NHEJ1: variants seen among roughly 807,000 people sequenced by gnomAD.
NHEJ1 encodes the protein non-homologous end-joining factor 1.
In NHEJ1, 22 loss-of-function variants were observed where a neutral mutation model predicts 39.4. The observed-to-expected ratio is 0.56, with a 90% confidence interval of 0.40 to 0.80. NHEJ1 has a LOEUF of 0.80. Among genes scored for constraint, NHEJ1 ranks in the 30% least tolerant of loss-of-function variants. The probability of loss-of-function intolerance (pLI) is 0.00; values close to 1 mark genes in which losing one functional copy is unlikely to be tolerated. For synonymous variants in NHEJ1, 154 were observed against 135.6 expected (o/e 1.14, Z -0.94); for missense variants, 329 against 357.1 (o/e 0.92, Z 0.63).
At chr2:219,101,764 C>T (rs1385648501) in intron 5 of NHEJ1, among the ~76,000 whole-genome samples, 1 of 141,798 alleles carries the variant, frequency 7.1e-6, no homozygotes, top group Non-Finnish European at 1.5e-5. Context: ...TGTCGCCAGG[C>T]TGGCAGGCTG....
At chr2:219,152,704 C>T (rs61531734) in intron 3 of NHEJ1, among the ~76,000 whole-genome samples, 2,429 of 152,026 alleles carry the variant, frequency 0.016, 69 homozygotes, top group African/African-American at 0.055. Context: ...TGGTCTCAAG[C>T]AATCCTCCTG....
chr2:219,083,745 T>C (rs1432223609), intron 5 of NHEJ1, among the ~76,000 whole-genome samples: 1 of 152,230 alleles, frequency 6.6e-6, no homozygotes, highest in East Asian at 1.9e-4. Flanking sequence ...TCCTTCCCTT[T>C]GCAAGGCACA....
intron 5 of NHEJ1, among the ~76,000 whole-genome samples, chr2:219,113,588 C>T (rs1949385018): frequency 6.6e-6 from 1 of 152,126 alleles, no homozygotes; most frequent in Non-Finnish European, 1.5e-5. Context: ...CCAAGTTTAG[C>T]CACTCAGAGC....
At chr2:219,135,791 T>C (rs1574733866) in intron 5 of NHEJ1, among the ~76,000 whole-genome samples, 1 of 152,214 alleles carries the variant, frequency 6.6e-6, no homozygotes, top group Admixed American at 6.5e-5. Flanking sequence ...AGCCCTCGGC[T>C]ACATAGTGAG....
rs761203817 is a variant in NHEJ1 at position 219,072,290 on chromosome 2, G to A, written c.*4091C>T. Among the ~76,000 whole-genome samples the A allele has an allele frequency of 8.5e-5, 13 of 152,142 alleles. No homozygotes were observed. The highest frequency in any genetic ancestry group is 1.9e-4 in the Non-Finnish European group (13 of 68,024). ...GGAACCCCCCTCCTATAAAGTATGG[G>A]CTTCCTTCTCTTCCTGCATTCCCCT... On this transcript the variant is annotated 3_prime_UTR_variant, in exon 8 of 8. Coordinates refer to ENST00000356853, the MANE Select transcript of NHEJ1 (RefSeq NM_024782.3).
intron 5 of NHEJ1, among the ~76,000 whole-genome samples, chr2:219,115,159 G>GAAGAAA (rs1949400606): frequency 1.3e-5 from 2 of 150,652 alleles, no homozygotes; most frequent in Admixed American, 1.3e-4. Context: ...TTAAAAAGAA[G>GAAGAAA]AAGAAGAAGA....
In NHEJ1 at chr2:219,073,228, C is replaced by T. The variant is rs772906924; in HGVS notation, c.*3153G>A. Among the ~76,000 whole-genome samples, 2 of 152,186 alleles carry T rather than the reference C, an allele frequency of 1.3e-5. No homozygotes were observed. Among genetic ancestry groups the T allele is most frequent in the African/African-American group, 2.4e-5 (1 of 41,438 alleles). ...ATAGAAGCACAGATCTCACTCTTCGCCACCTTACACCATAGGAATTCGCTT... is the reference window on the plus strand; with the variant it reads ...ATAGAAGCACAGATCTCACTCTTCGTCACCTTACACCATAGGAATTCGCTT... On this transcript the variant is annotated 3_prime_UTR_variant, in exon 8 of 8. Transcript: ENST00000356853.
intron 5 of NHEJ1, among the ~76,000 whole-genome samples, chr2:219,130,502 C>T (rs1047844121): frequency 1.6e-4 from 3 of 18,984 alleles, no homozygotes; most frequent in Non-Finnish European, 5.2e-3. Context: ...GAAAACAGAG[C>T]GGTAAATAGG....
chr2:219,084,403 A>G (rs943585140), intron 5 of NHEJ1, among the ~76,000 whole-genome samples: 1 of 152,202 alleles, frequency 6.6e-6, no homozygotes, highest in Non-Finnish European at 1.5e-5. Flanking sequence ...GTCCCAAAGC[A>G]TACTATTATC....
chr2:219,096,224 G>T (rs577975220), intron 5 of NHEJ1, among the ~76,000 whole-genome samples: 1 of 152,282 alleles, frequency 6.6e-6, no homozygotes, highest in South Asian at 2.1e-4. Flanking sequence ...CTCAGGAGAA[G>T]AATACTTGAG....
At chr2:219,159,894 G>C (rs1426939379) in intron 1 of NHEJ1, among the ~76,000 whole-genome samples, 4 of 152,000 alleles carry the variant, frequency 2.6e-5, no homozygotes, top group African/African-American at 9.7e-5. Context: ...CGGAAGCTCA[G>C]AACCCTCAAA....
chr2:219,155,746 C>A (rs924003217), intron 3 of NHEJ1, among the ~76,000 whole-genome samples: 2 of 144,348 alleles, frequency 1.4e-5, no homozygotes, highest in African/African-American at 5.1e-5. Context: ...CACGATGAAA[C>A]CCTGTCTCTA....
Position 219,105,321 on chromosome 2 carries a change from G to A in NHEJ1, c.589-27115C>T, listed in dbSNP as rs190344708. Among the ~76,000 whole-genome samples, 4 of 152,244 alleles carry A rather than the reference G, an allele frequency of 2.6e-5. No individual in the cohort carries two copies. In the East Asian group the frequency reaches 7.7e-4, roughly 29 times the overall value. On this transcript the variant is annotated intron_variant, in intron 5 of 7. Transcript: ENST00000356853. ...AAGAAGAAATATCTAGAAAGATGTAGGTGGCACCAGATTTCCACTGGCCAG... is the reference window on the plus strand; with the variant it reads ...AAGAAGAAATATCTAGAAAGATGTAAGTGGCACCAGATTTCCACTGGCCAG...
chr2:219,110,688 A>C (rs1004333935), intron 5 of NHEJ1, among the ~76,000 whole-genome samples: 2 of 151,818 alleles, frequency 1.3e-5, no homozygotes, highest in Non-Finnish European at 2.9e-5. Context: ...GTATCACTTG[A>C]AAAAAGACCT....
At chr2:219,140,241 G>A (rs1304395182) in intron 5 of NHEJ1, among the ~76,000 whole-genome samples, 1 of 152,204 alleles carries the variant, frequency 6.6e-6, no homozygotes, top group South Asian at 2.1e-4. Context: ...AGGTCAGAAA[G>A]GTAAGAGAGT....
intron 5 of NHEJ1, among the ~76,000 whole-genome samples, chr2:219,096,528 T>C (rs1348110889): frequency 1.3e-5 from 2 of 152,110 alleles, no homozygotes; most frequent in African/African-American, 4.8e-5. Context: ...ACAGTTATGT[T>C]AGGAAATGTT....
rs1020733556 is a variant in NHEJ1, at chr2:219,077,255, T to C, written c.816A>G (p.Lys272=). The C allele has an allele frequency of 6.8e-6, 11 of 1,612,276 alleles. No individual in the cohort carries two copies. The highest frequency in any genetic ancestry group is 4.0e-5 in the African/African-American group (3 of 74,910). The change falls in exon 7 of 8, where the codon AAA becomes AAG. Residue 272 remains lysine (K), a synonymous_variant. Transcript: ENST00000356853. ...SSAPTLSAPE[K]ESTGTSGPLQ... is the part of the protein sequence containing the mutation. ...GCTGCTCATGACTCACCGTGGACTCTTTCTCAGGTGCTGAGAGGGTTGGGG... is the reference window on the plus strand; with the variant it reads ...GCTGCTCATGACTCACCGTGGACTCCTTCTCAGGTGCTGAGAGGGTTGGGG...
Position 219,158,169 on chromosome 2 carries a change from C to T in NHEJ1, c.177+17G>A, listed in dbSNP as rs763802696. ...TGTTCACATCCCCGACACAGCAGTA[C>T]TTCTCCTCATACTTACCTTGGCTCG... On this transcript the variant is annotated intron_variant, in intron 2 of 7. Coordinates refer to ENST00000356853, the MANE Select transcript of NHEJ1 (RefSeq NM_024782.3). 1.9e-6 allele frequency: 3 copies of T among 1,564,846 alleles called. No individual in the cohort carries two copies. Among genetic ancestry groups the T allele is most frequent in the Non-Finnish European group, 1.8e-6 (2 of 1,135,278 alleles).
rs191302234 is a variant in NHEJ1, at chr2:219,147,968, T to C, written c.391-173A>G. Among the ~76,000 whole-genome samples the C allele has an allele frequency of 1.8e-3, 271 of 152,282 alleles. 2 individuals are homozygous for C. The highest frequency in any genetic ancestry group is 5.8e-3 in the African/African-American group (240 of 41,544). Reference sequence around the variant, plus strand: ...AACACAAATACAATAATTAAATATATTAAGAAGGTGGCTGGTGCAGTGGCT... The same window carrying C: ...AACACAAATACAATAATTAAATATACTAAGAAGGTGGCTGGTGCAGTGGCT... On this transcript the variant is annotated intron_variant, in intron 3 of 7. Coordinates refer to ENST00000356853, the MANE Select transcript of NHEJ1 (RefSeq NM_024782.3).
Sources: allele counts gnomAD v4.1 joint callset (sites outside exome capture counted in the v4.1 genomes callset), GRCh38; gene constraint gnomAD v4.1.1; transcripts MANE v1.5; gene names NCBI Gene and HGNC (gene_info 2026-07-23, HGNC 2026-07-21).